CUX1: variants seen among roughly 807,000 people sequenced by gnomAD.
The protein encoded by CUX1 is protein CASP.
CUX1 carries 31 observed loss-of-function variants against 158.8 expected under a neutral mutation model. That is an observed-to-expected ratio of 0.20 (90% CI 0.15 to 0.26). The LOEUF (loss-of-function observed/expected upper bound fraction) is 0.26. Among genes scored for constraint, CUX1 ranks in the 10% least tolerant of loss-of-function variants. The pLI is 1.00. For missense variants in CUX1, 1,589 were observed against 2,014.6 expected (o/e 0.79, Z 4.04); for synonymous variants, 879 against 862.1 (o/e 1.02, Z -0.34).
intron 3 of CUX1, among the ~76,000 whole-genome samples, chr7:102,038,120 A>G (rs1017577806): frequency 6.6e-6 from 1 of 152,126 alleles, no homozygotes; most frequent in Non-Finnish European, 1.5e-5. Context: ...TGAACTAGAA[A>G]AAAGGTTTGC....
At chr7:101,870,140 T>C (rs1417311146) in intron 1 of CUX1, among the ~76,000 whole-genome samples, 2 of 136,328 alleles carry the variant, frequency 1.5e-5, no homozygotes, top group Non-Finnish European at 3.0e-5. Flanking sequence ...CCCTGATGTT[T>C]AGTGTTTTTT....
At chr7:101,843,724 C>G (rs1795401914) in intron 1 of CUX1, among the ~76,000 whole-genome samples, 1 of 152,150 alleles carries the variant, frequency 6.6e-6, no homozygotes, top group Admixed American at 6.6e-5. Context: ...CGTTTCCTCC[C>G]TTCAGCCTGT....
chr7:101,872,663 A>C (rs1035623069), intron 1 of CUX1, among the ~76,000 whole-genome samples: 1 of 151,952 alleles, frequency 6.6e-6, no homozygotes, highest in South Asian at 2.1e-4. Flanking sequence ...CACATACACT[A>C]TCTGTTTTTG....
intron 20 of CUX1, among the ~76,000 whole-genome samples, chr7:102,206,410 C>T (rs782746197): frequency 2.6e-5 from 4 of 152,098 alleles, no homozygotes; most frequent in Admixed American, 6.5e-5. Flanking sequence ...AGCACTGGCT[C>T]GAGTTCAGAA....
At chr7:102,057,840 C>G (rs1006034194) in intron 3 of CUX1, among the ~76,000 whole-genome samples, 16 of 152,200 alleles carry the variant, frequency 1.1e-4, no homozygotes, top group Admixed American at 1.0e-3. Flanking sequence ...AAAGCAGTGA[C>G]TGGGTTTGAG....
chr7:101,825,786 TGTGTGTGTGTGTGC>T (rs769527071), intron 1 of CUX1, among the ~76,000 whole-genome samples: 97 of 103,704 alleles, frequency 9.4e-4, no homozygotes, highest in African/African-American at 1.6e-3. Flanking sequence ...TGTGTGTGTG[TGTGTGTGTGTGTGC>T]GCGCGCGCGC....
At chr7:102,218,621 G>A (rs1797477289) in intron 20 of CUX1, among the ~76,000 whole-genome samples, 1 of 151,974 alleles carries the variant, frequency 6.6e-6, no homozygotes, top group Non-Finnish European at 1.5e-5. Context: ...CCAGGAGGTC[G>A]ATGCTGCAGT....
chr7:101,849,266 T>G (rs1378067096), intron 1 of CUX1, among the ~76,000 whole-genome samples: 1 of 152,112 alleles, frequency 6.6e-6, no homozygotes, highest in Non-Finnish European at 1.5e-5. Context: ...ACCCAGGTAT[T>G]AAGCCCAGTA....
At chr7:101,904,474 T>G (rs1432218175) in intron 1 of CUX1, among the ~76,000 whole-genome samples, 1 of 152,174 alleles carries the variant, frequency 6.6e-6, no homozygotes, top group Non-Finnish European at 1.5e-5. Flanking sequence ...CTTGTAAGTT[T>G]CACTTGAATT....
chr7:101,992,391 C>T (rs554033403), intron 2 of CUX1, among the ~76,000 whole-genome samples: 3 of 152,186 alleles, frequency 2.0e-5, no homozygotes, highest in Non-Finnish European at 4.4e-5. Context: ...CCAACTTAAA[C>T]TCCACTCTGT....
intron 11 of CUX1, among the ~76,000 whole-genome samples, chr7:102,182,147 G>C (rs1793162705): frequency 6.6e-6 from 1 of 152,182 alleles, no homozygotes; most frequent in Admixed American, 6.5e-5. Context: ...CCAGCTCTGG[G>C]CTCAGCTGTT....
chr7:102,272,834 G>A (rs1031444332), intron 14 of CUX1, among the ~76,000 whole-genome samples: 2 of 152,188 alleles, frequency 1.3e-5, no homozygotes, highest in Non-Finnish European at 2.9e-5. Context: ...CCTCTGTTGG[G>A]GGCGGGACCA....
intron 1 of CUX1, among the ~76,000 whole-genome samples, chr7:101,872,424 G>A (rs995564729): frequency 1.3e-5 from 2 of 152,150 alleles, no homozygotes; most frequent in South Asian, 2.1e-4. Context: ...ATGAGCCACC[G>A]CGCCCGGCCC....
intron 11 of CUX1, among the ~76,000 whole-genome samples, chr7:102,179,290 T>C (rs1554513227): frequency 6.6e-6 from 1 of 152,184 alleles, no homozygotes; most frequent in East Asian, 1.9e-4. Flanking sequence ...TCAGGTGATC[T>C]GTCCACCTCA....
intron 11 of CUX1, among the ~76,000 whole-genome samples, chr7:102,189,190 G>A (rs1460630517): frequency 1.3e-5 from 2 of 152,112 alleles, no homozygotes; most frequent in African/African-American, 2.4e-5. Flanking sequence ...ACAACCAGCT[G>A]TATGAGTCCC....
chr7:102,168,102 C>A (rs935216753), intron 9 of CUX1, among the ~76,000 whole-genome samples: 27 of 150,716 alleles, frequency 1.8e-4, no homozygotes, highest in Middle Eastern at 3.4e-3. Context: ...AAAAAAAAAA[C>A]CAGTTGATTA....
intron 2 of CUX1, among the ~76,000 whole-genome samples, chr7:102,002,271 G>T (rs925746912): frequency 1.3e-5 from 2 of 152,212 alleles, no homozygotes; most frequent in Non-Finnish European, 2.9e-5. Context: ...CTGCACTCCA[G>T]CCTGGGCCTC....
chr7:102,018,157 C>T (rs1585293385), intron 2 of CUX1, among the ~76,000 whole-genome samples: 2 of 152,136 alleles, frequency 1.3e-5, no homozygotes, highest in South Asian at 4.2e-4. Context: ...GCAGGAGTGT[C>T]CCTATCTTGC....
At chr7:102,236,586 CTTA>C (rs782047488) in intron 22 of CUX1, among the ~76,000 whole-genome samples, 2 of 152,122 alleles carry the variant, frequency 1.3e-5, no homozygotes, top group Non-Finnish European at 2.9e-5. Context: ...TTTTCAATGT[CTTA>C]TTATGGGAAA....
Sources: gnomAD v4.1 joint callset for allele counts (sites outside exome capture counted in the v4.1 genomes callset) on GRCh38, gnomAD v4.1.1 for gene constraint, MANE v1.5 for transcripts, NCBI Gene and HGNC (gene_info 2026-07-23, HGNC 2026-07-21) for gene names.